The following TENM2 variants were observed in gnomAD, a reference collection of about 807,000 sequenced individuals.
TENM2 encodes the protein teneurin-2.
A neutral mutation model predicts 245.2 loss-of-function variants in TENM2; 52 were observed. The ratio of observed to expected loss-of-function variants is 0.21; its 90% CI spans 0.17 to 0.27. TENM2 has a LOEUF of 0.27. Ranked by LOEUF, TENM2 falls within the 10% of genes least tolerant of loss-of-function variation. The pLI is 1.00. For synonymous variants in TENM2, 1,363 were observed against 1,438.9 expected, an observed-to-expected ratio of 0.95 and a Z score of 1.19; for missense variants, 3,046 against 3,666.8, an observed-to-expected ratio of 0.83 and a Z score of 4.37.
At chr5:167,945,988 G>T (rs544988577) in intron 3 of TENM2, among the ~76,000 whole-genome samples, 3 of 152,248 alleles carry the variant, frequency 2.0e-5, no homozygotes, top group Non-Finnish European at 4.4e-5. Context: ...TGCAGCTTGC[G>T]ACAGCAGTGA....
chr5:167,343,525 C>T (rs1758252917), intron 1 of TENM2, among the ~76,000 whole-genome samples: 1 of 152,088 alleles, frequency 6.6e-6, no homozygotes, highest in Non-Finnish European at 1.5e-5. Context: ...AGATATTTTG[C>T]TTTATTTACT....
At chr5:167,719,672 C>T (rs113919434) in intron 2 of TENM2, among the ~76,000 whole-genome samples, 151 of 152,338 alleles carry the variant, frequency 9.9e-4, no homozygotes, top group African/African-American at 3.3e-3. Context: ...AGAGAGTCTT[C>T]TGCAGAACTG....
intron 2 of TENM2, among the ~76,000 whole-genome samples, chr5:167,466,446 A>G (rs1195739785): frequency 1.3e-5 from 2 of 152,184 alleles, no homozygotes; most frequent in African/African-American, 2.4e-5. Flanking sequence ...CCAAAAATCT[A>G]CATGTGTCTC....
intron 5 of TENM2, among the ~76,000 whole-genome samples, chr5:168,004,281 C>G (rs1392219105): frequency 3.3e-5 from 5 of 152,136 alleles, no homozygotes; most frequent in South Asian, 2.1e-4. Context: ...GAAGAAAGAT[C>G]CAGTAGTGAT....
chr5:167,834,557 T>G (rs1029100709), intron 2 of TENM2, among the ~76,000 whole-genome samples: 2 of 152,186 alleles, frequency 1.3e-5, no homozygotes, highest in African/African-American at 4.8e-5. Context: ...GTAGCATTGT[T>G]TCCATGAAAG....
chr5:167,060,636 G>A, the TENM2 span, among the ~76,000 whole-genome samples: 3 of 141,728 alleles, frequency 2.1e-5, no homozygotes, highest in African/African-American at 7.9e-5. Flanking sequence ...GATCAACAGG[G>A]CAAGACCTTC....
At chr5:168,224,598 C>T (rs4976585) in intron 23 of TENM2, among the ~76,000 whole-genome samples, 107,429 of 151,946 alleles carry the variant, frequency 0.71, 39,612 homozygotes, top group African/African-American at 0.91. Context: ...TCCTTTCCAC[C>T]GCTCACAGGC....
At chr5:167,607,851 C>T (rs922723924) in intron 2 of TENM2, among the ~76,000 whole-genome samples, 2 of 152,162 alleles carry the variant, frequency 1.3e-5, no homozygotes, top group Admixed American at 6.5e-5. Context: ...CAAAGAATAT[C>T]GTGGAATACA....
chr5:167,944,435 CAA>C (rs113612702), intron 3 of TENM2, among the ~76,000 whole-genome samples: 32 of 128,914 alleles, frequency 2.5e-4, no homozygotes, highest in Admixed American at 3.9e-4. Flanking sequence ...GGGTCTCAGC[CAA>C]AAAAAAAAAA....
chr5:168,212,529 G>T (rs1043420407), intron 20 of TENM2, among the ~76,000 whole-genome samples: 3 of 152,210 alleles, frequency 2.0e-5, no homozygotes, highest in Non-Finnish European at 1.5e-5. Context: ...TCAACGGAAT[G>T]CTTCTGCTCA....
intron 2 of TENM2, among the ~76,000 whole-genome samples, chr5:167,623,241 C>T (rs190373516): frequency 2.7e-4 from 41 of 152,212 alleles, no homozygotes; most frequent in Non-Finnish European, 7.4e-5. Flanking sequence ...GTTTTATTTT[C>T]TAATACTAGG....
At chr5:167,079,643 A>G in the TENM2 span, among the ~76,000 whole-genome samples, 1 of 151,772 alleles carries the variant, frequency 6.6e-6, no homozygotes, top group Non-Finnish European at 1.5e-5. Flanking sequence ...TATTTTATAT[A>G]CATACATAAT....
chr5:167,855,116 T>A (rs1770944625), intron 2 of TENM2, among the ~76,000 whole-genome samples: 1 of 152,146 alleles, frequency 6.6e-6, no homozygotes, highest in African/African-American at 2.4e-5. Flanking sequence ...CTCTTCTCCA[T>A]CTCTCATTCC....
chr5:167,416,946 G>C (rs931214152), intron 2 of TENM2, among the ~76,000 whole-genome samples: 1 of 152,034 alleles, frequency 6.6e-6, no homozygotes, highest in Non-Finnish European at 1.5e-5. Context: ...TGATTACATA[G>C]ATTGTTTCGT....
the TENM2 span, among the ~76,000 whole-genome samples, chr5:167,014,993 A>G: frequency 3.5e-4 from 53 of 152,346 alleles, no homozygotes; most frequent in African/African-American, 1.3e-3. Context: ...AAATTTATAT[A>G]AACCATCATG....
chr5:168,162,735 TGATAACAAG>T, exon 13 of TENM2: 1 of 1,614,016 alleles, frequency 6.2e-7, no homozygotes, highest in African/African-American at 1.3e-5. Flanking sequence ...CTTCCTGTGC[TGATAACAAG>T]GATAATGAGG....
At chr5:166,984,691 A>G in the TENM2 span, among the ~76,000 whole-genome samples, 1 of 152,140 alleles carries the variant, frequency 6.6e-6, no homozygotes, top group South Asian at 2.1e-4. Flanking sequence ...GAACCATGAT[A>G]GAAGATAGCT....
At chr5:167,579,720 C>T (rs1774956539) in intron 2 of TENM2, among the ~76,000 whole-genome samples, 1 of 152,182 alleles carries the variant, frequency 6.6e-6, no homozygotes, top group African/African-American at 2.4e-5. Context: ...CCCTTTTCTT[C>T]CTATTCCGAG....
At chr5:167,672,965 G>T (rs1289997747) in intron 2 of TENM2, among the ~76,000 whole-genome samples, 3 of 149,916 alleles carry the variant, frequency 2.0e-5, no homozygotes, top group Non-Finnish European at 2.9e-5. Context: ...CATAAGAGGA[G>T]CCATGCCAGT....
Sources: allele counts gnomAD v4.1 joint callset (sites outside exome capture counted in the v4.1 genomes callset), GRCh38; gene constraint gnomAD v4.1.1; transcripts MANE v1.5; gene names NCBI Gene and HGNC (gene_info 2026-07-23, HGNC 2026-07-21).